Variants in FERRY3 observed in about 807,000 individuals in gnomAD.
FERRY3 encodes FERRY endosomal RAB5 effector complex subunit 3.
chr12:4,491,125 A>G, the FERRY3 span: 7 of 1,554,838 alleles, frequency 4.5e-6, no homozygotes, highest in African/African-American at 1.4e-5. Context: ...TCTACTTTCA[A>G]TGTTTGGGAG....
chr12:4,508,905 G>T, the FERRY3 span: 1 of 152,958 alleles, frequency 6.5e-6, no homozygotes, highest in Non-Finnish European at 1.5e-5. Flanking sequence ...GGGGGGAGGA[G>T]CCAAGATGGC....
At chr12:4,519,985 G>T in the FERRY3 span, among the ~76,000 whole-genome samples, 3 of 152,180 alleles carry the variant, frequency 2.0e-5, no homozygotes, top group Non-Finnish European at 4.4e-5. This position sits in a 1 kb window ranked among gnomAD's most constrained non-coding sequence, Gnocchi z 4.3. Context: ...GTGATCATAA[G>T]GCAACCTAGT....
At chr12:4,508,997 C>T in the FERRY3 span, 5 of 151,940 alleles carry the variant, frequency 3.3e-5, no homozygotes, top group Admixed American at 6.6e-5. Flanking sequence ...ATCTGAGGTA[C>T]CGGGTTCATC....
At chr12:4,491,119 CT>C in the FERRY3 span, 1 of 1,528,526 alleles carries the variant, frequency 6.5e-7, no homozygotes, top group Non-Finnish European at 9.1e-7. Flanking sequence ...GGTTGCTCTA[CT>C]TTCAATGTTT....
the FERRY3 span, chr12:4,490,423 GTGT>G: frequency 1.1e-6 from 1 of 871,112 alleles, no homozygotes; most frequent in Non-Finnish European, 1.7e-6. Context: ...TTAGCCTTTT[GTGT>G]TGTTTTTGGG....
At chr12:4,525,706 G>T in the FERRY3 span, 1 of 678,876 alleles carries the variant, frequency 1.5e-6, no homozygotes, top group African/African-American at 1.8e-5. Flanking sequence ...AATGTGTCCA[G>T]GAATGAGAAT....
the FERRY3 span, chr12:4,525,609 G>C: frequency 1.3e-6 from 2 of 1,518,402 alleles, no homozygotes; most frequent in Non-Finnish European, 9.1e-7. Context: ...ACAAATCAGG[G>C]ATATTCATCA....
the FERRY3 span, among the ~76,000 whole-genome samples, chr12:4,500,891 T>A: frequency 6.6e-6 from 1 of 152,342 alleles, no homozygotes; most frequent in South Asian, 2.1e-4. Context: ...GACCTCATGA[T>A]CCGCCCGCCT....
At chr12:4,495,283 T>TA in the FERRY3 span, among the ~76,000 whole-genome samples, 1 of 152,190 alleles carries the variant, frequency 6.6e-6, no homozygotes, top group Non-Finnish European at 1.5e-5. Flanking sequence ...TGTATCATCT[T>TA]AAAATATTAC....
chr12:4,508,239 A>C, the FERRY3 span, among the ~76,000 whole-genome samples: 37 of 152,204 alleles, frequency 2.4e-4, no homozygotes. Flanking sequence ...ATATCAAGCA[A>C]AGATATAATA....
chr12:4,529,834 C>T, the FERRY3 span: 3 of 1,517,582 alleles, frequency 2.0e-6, no homozygotes, highest in East Asian at 2.4e-5. Flanking sequence ...GACAACGTAA[C>T]ATTTAATTCT....
the FERRY3 span, among the ~76,000 whole-genome samples, chr12:4,529,359 A>G: frequency 3.3e-5 from 5 of 152,204 alleles, no homozygotes; most frequent in Non-Finnish European, 7.4e-5. Flanking sequence ...AGCCATGGTC[A>G]TAGTTAGAGC....
chr12:4,500,542 C>A, the FERRY3 span, among the ~76,000 whole-genome samples: 2 of 151,700 alleles, frequency 1.3e-5, no homozygotes, highest in Non-Finnish European at 2.9e-5. Flanking sequence ...GAGACAATAG[C>A]CAATTATGCA....
At chr12:4,507,667 G>A in the FERRY3 span, among the ~76,000 whole-genome samples, 4 of 152,230 alleles carry the variant, frequency 2.6e-5, no homozygotes, top group East Asian at 7.7e-4. Context: ...CTATTAGGAG[G>A]AGACTGATTA....
chr12:4,490,497 G>A, the FERRY3 span: 1 of 1,537,888 alleles, frequency 6.5e-7, no homozygotes. Context: ...ATTAAATTGG[G>A]GTGAGATCTA....
At chr12:4,523,448 T>A in the FERRY3 span, among the ~76,000 whole-genome samples, 1 of 152,204 alleles carries the variant, frequency 6.6e-6, no homozygotes, top group Non-Finnish European at 1.5e-5. Context: ...GACCCGGCCA[T>A]CCCATTACTG....
the FERRY3 span, chr12:4,516,945 T>C: frequency 1.0e-6 from 1 of 1,001,352 alleles, no homozygotes; most frequent in South Asian, 4.9e-5. Context: ...AAAATCTTAA[T>C]TTTGTTTTTA....
At chr12:4,516,224 T>C in the FERRY3 span, among the ~76,000 whole-genome samples, 1 of 152,162 alleles carries the variant, frequency 6.6e-6, no homozygotes, top group African/African-American at 2.4e-5. Context: ...GATCAAAAGA[T>C]CACCAACTTT....
chr12:4,508,898 G>A, the FERRY3 span: 1 of 152,720 alleles, frequency 6.5e-6, no homozygotes, highest in East Asian at 1.9e-4. Flanking sequence ...AGGTCCTGGG[G>A]GGAGGAGCCA....
Sources: allele counts gnomAD v4.1 joint callset (sites outside exome capture counted in the v4.1 genomes callset), GRCh38; gene constraint gnomAD v4.1.1; non-coding constraint Gnocchi (gnomAD v3.1); transcripts MANE v1.5; gene names NCBI Gene and HGNC (gene_info 2026-07-23, HGNC 2026-07-21).